MYO5B: variants seen among roughly 807,000 people sequenced by gnomAD.
MYO5B encodes the protein myosin VB.
Under a neutral mutation model 229.3 loss-of-function variants are expected in MYO5B, and 143 were observed. The observed-to-expected ratio is 0.62, with a 90% CI of 0.54 to 0.72. MYO5B has a LOEUF of 0.72. MYO5B is among the 30% of genes least tolerant of loss of function. MYO5B has a pLI of 0.00. For missense variants in MYO5B, 2,321 were observed against 2,331.0 expected, an observed-to-expected ratio of 1.00 and a Z score of 0.09; for synonymous variants, 918 against 885.2, an observed-to-expected ratio of 1.04 and a Z score of -0.66.
chr18:49,922,804 G>A (rs1285824725), intron 17 of MYO5B, among the ~76,000 whole-genome samples: 1 of 152,086 alleles, frequency 6.6e-6, no homozygotes, highest in Non-Finnish European at 1.5e-5. Flanking sequence ...AAATACACAT[G>A]TAAGTATCTG....
chr18:50,128,452 G>A (rs753785021), intron 1 of MYO5B, among the ~76,000 whole-genome samples: 1 of 152,210 alleles, frequency 6.6e-6, no homozygotes, highest in Non-Finnish European at 1.5e-5. Flanking sequence ...CAGAGTTTAG[G>A]AGAAGTGATC....
In MYO5B at chr18:49,954,383, G is replaced by T; in HGVS notation, c.1598C>A (p.Ser533Tyr). 6.2e-7 allele frequency: 1 copy of T among 1,614,044 alleles called. No individual in the cohort carries two copies. The highest frequency in any genetic ancestry group is 8.5e-7 in the Non-Finnish European group (1 of 1,179,988). ...NWAQKLYDRH[S>Y]SSQHFQKPRM... ...GGGCTTCTGGAAGTGCTGGCTGCTGGAGTGCCGGTCATAGAGCTTCTGAGC... is the reference window on the plus strand; with the variant it reads ...GGGCTTCTGGAAGTGCTGGCTGCTGTAGTGCCGGTCATAGAGCTTCTGAGC... The change falls in exon 13 of 40, where the codon TCC becomes TAC. Residue 533 changes from serine (S) to tyrosine (Y), a missense_variant. Ser to Tyr is a moderately radical substitution (Grantham distance 144). Coordinates refer to ENST00000285039, the MANE Select transcript of MYO5B (RefSeq NM_001080467.3).
At chr18:49,945,089 G>A (rs571819331) in intron 14 of MYO5B, among the ~76,000 whole-genome samples, 3 of 152,134 alleles carry the variant, frequency 2.0e-5, no homozygotes, top group Non-Finnish European at 2.9e-5. Context: ...CTCCCTGCCC[G>A]GCGCCCTTCC....
chr18:50,043,684 A>T (rs2030138075), intron 2 of MYO5B, among the ~76,000 whole-genome samples: 1 of 140,280 alleles, frequency 7.1e-6, no homozygotes, highest in South Asian at 2.1e-4. Flanking sequence ...TTATAAATAT[A>T]TATAAATATA....
At chr18:50,179,211 G>C (rs1287980439) in intron 1 of MYO5B, among the ~76,000 whole-genome samples, 2 of 152,132 alleles carry the variant, frequency 1.3e-5, no homozygotes, top group African/African-American at 4.8e-5. Flanking sequence ...GCAGAAGGAT[G>C]CAAGTTCCAT....
At chr18:50,107,033 T>C (rs1483583432) in intron 1 of MYO5B, among the ~76,000 whole-genome samples, 1 of 149,600 alleles carries the variant, frequency 6.7e-6, no homozygotes, top group Non-Finnish European at 1.5e-5. Flanking sequence ...GACCTCCAGC[T>C]GCCCTGACTC....
intron 1 of MYO5B, among the ~76,000 whole-genome samples, chr18:50,060,657 T>C (rs2030664918): frequency 6.6e-6 from 1 of 152,192 alleles, no homozygotes; most frequent in African/African-American, 2.4e-5. Flanking sequence ...GTAAATGCAT[T>C]AGTACCAAGC....
chr18:49,974,889 C>CT (rs1434880953), intron 9 of MYO5B, among the ~76,000 whole-genome samples: 5 of 151,514 alleles, frequency 3.3e-5, no homozygotes, highest in Admixed American at 3.3e-4. Context: ...ATTCCACCTG[C>CT]TAATGACCAA....
chr18:50,180,892 C>T (rs1211218155), intron 1 of MYO5B, among the ~76,000 whole-genome samples: 1 of 152,152 alleles, frequency 6.6e-6, no homozygotes, highest in Non-Finnish European at 1.5e-5. Context: ...GTGGGCAGAC[C>T]ACATCTCATT....
chr18:50,019,692 T>C (rs1037478463), intron 4 of MYO5B, among the ~76,000 whole-genome samples: 1 of 152,172 alleles, frequency 6.6e-6, no homozygotes, highest in African/African-American at 2.4e-5. Context: ...GCCATTTTAC[T>C]AAAGATTAGA....
intron 4 of MYO5B, among the ~76,000 whole-genome samples, chr18:50,016,269 AC>A (rs2026214362): frequency 6.6e-6 from 1 of 152,170 alleles, no homozygotes; most frequent in African/African-American, 2.4e-5. Flanking sequence ...ATATGTATTA[AC>A]CCATGATCCA....
At chr18:50,176,324 T>G (rs182197559) in intron 1 of MYO5B, among the ~76,000 whole-genome samples, 26 of 152,362 alleles carry the variant, frequency 1.7e-4, no homozygotes, top group African/African-American at 5.8e-4. Context: ...CCCTCCTTCC[T>G]TCTCACTCTT....
In MYO5B at chr18:49,937,311, G is replaced by A. The variant is rs577718838; in HGVS notation, c.1839C>T (p.Ser613=). 18 of 1,614,138 alleles carry A rather than the reference G, an allele frequency of 1.1e-5. No homozygotes were observed. Among genetic ancestry groups the A allele is most frequent in the East Asian group, 2.2e-5 (1 of 44,876 alleles). Reference sequence around the variant, plus strand: ...TCATGGGGGGTCTGGCAGAACGGACGCTGATCTTCGAAGATGACCCCTTCC... The same window carrying A: ...TCATGGGGGGTCTGGCAGAACGGACACTGATCTTCGAAGATGACCCCTTCC... ...TPGKGSSSKI[S]VRSARPPMKV... The change falls in exon 15 of 40, where the codon AGC becomes AGT. Residue 613 remains serine (S), a synonymous_variant. Transcript: ENST00000285039.
intron 36 of MYO5B, 87 bp downstream of exon 36, chr18:49,839,057 T>G: frequency 6.5e-7 from 1 of 1,541,632 alleles, no homozygotes; most frequent in Admixed American, 1.7e-5. Context: ...AGATATCTGG[T>G]TCCCGAAAGG....
rs1307495259 is a variant in MYO5B, at chr18:49,902,787, C to A, written c.2618G>T (p.Gly873Val). 6.2e-7 allele frequency: 1 copy of A among 1,603,160 alleles called. No individual in the cohort carries two copies. The highest frequency in any genetic ancestry group is 1.3e-5 in the African/African-American group (1 of 74,914). The change falls in exon 21 of 40, where the codon GGC (glycine) becomes GTC (valine). Residue 873 changes from glycine (G) to valine (V), a missense_variant. This residue lies in a region of MYO5B where 2,113 missense variants were observed against 2,044.7 expected (regional missense o/e 1.03). Transcript: ENST00000285039. ...KATTIQKHVR[G>V]WMARRHFQRL... The stretch of plus-strand genomic sequence containing the variant: ...CTGGAAGTGCCTGCGTGCCATCCAG[C>A]CCCGCACGTGCTTCTGGATGGTGGT...
chr18:50,101,533 A>C (rs2031655087), intron 1 of MYO5B, among the ~76,000 whole-genome samples: 1 of 152,158 alleles, frequency 6.6e-6, no homozygotes, highest in Admixed American at 6.5e-5. Flanking sequence ...ATCTACAAGA[A>C]ACTTAAATTT....
At chr18:49,978,129 G>A (rs1035636125) in intron 9 of MYO5B, among the ~76,000 whole-genome samples, 3 of 152,096 alleles carry the variant, frequency 2.0e-5, no homozygotes, top group African/African-American at 7.2e-5. Context: ...GCCACACCAG[G>A]TAGCATCCAA....
intron 39 of MYO5B, among the ~76,000 whole-genome samples, chr18:49,832,277 G>A (rs1291896538): frequency 6.6e-6 from 1 of 152,198 alleles, no homozygotes; most frequent in Non-Finnish European, 1.5e-5. Context: ...GTTAACAGGT[G>A]TAAAGAACAC....
At chr18:50,019,585 G>C (rs1189609854) in intron 4 of MYO5B, among the ~76,000 whole-genome samples, 1 of 152,200 alleles carries the variant, frequency 6.6e-6, no homozygotes, top group Admixed American at 6.5e-5. Flanking sequence ...GTCCATCTTG[G>C]CCAAGGCCAT....
Sources: allele counts gnomAD v4.1 joint callset (sites outside exome capture counted in the v4.1 genomes callset), GRCh38; gene constraint gnomAD v4.1.1; regional missense constraint gnomAD v4.1.1; transcripts MANE v1.5; gene names NCBI Gene and HGNC (gene_info 2026-07-23, HGNC 2026-07-21).